The following RAB20 variants were observed in gnomAD, a reference collection of about 807,000 sequenced individuals.
RAB20 encodes ras-related protein Rab-20.
RAB20 carries 2 observed loss-of-function variants against 3.7 expected under a neutral mutation model. The observed-to-expected ratio is 0.54, with a 90% CI of 0.22 to 1.69. The LOEUF is 1.69. Ranked by LOEUF, RAB20 falls within the 40% of genes most tolerant of loss-of-function variation. The pLI is 0.19. For synonymous variants in RAB20, 126 were observed against 130.8 expected, an observed-to-expected ratio of 0.96 and a Z score of 0.25; for missense variants, 276 against 311.9, an observed-to-expected ratio of 0.88 and a Z score of 0.87.
intron 1 of RAB20, among the ~76,000 whole-genome samples, chr13:110,525,995 C>T (rs1884423638): frequency 6.6e-6 from 1 of 152,236 alleles, no homozygotes; most frequent in East Asian, 1.9e-4. Flanking sequence ...TGCTCCCAAC[C>T]ACACCTGCCG....
intron 1 of RAB20, 66 bp from the exon 2 acceptor site, chr13:110,524,263 C>A: frequency 6.6e-7 from 1 of 1,509,864 alleles, no homozygotes; most frequent in Non-Finnish European, 8.8e-7. Flanking sequence ...ACCAGCCACA[C>A]TGCAAGGGAA....
intron 1 of RAB20, among the ~76,000 whole-genome samples, chr13:110,556,048 C>T (rs1885033388): frequency 6.6e-6 from 1 of 152,220 alleles, no homozygotes; most frequent in Admixed American, 6.5e-5. Flanking sequence ...CTGGCTGACT[C>T]CTAACAAAGC....
intron 1 of RAB20, among the ~76,000 whole-genome samples, chr13:110,556,998 T>C (rs1353478966): frequency 6.6e-6 from 1 of 152,176 alleles, no homozygotes; most frequent in Non-Finnish European, 1.5e-5. Flanking sequence ...CAGCCCGGAT[T>C]GGCCTAAACA....
At chr13:110,533,419 A>G (rs1043533928) in intron 1 of RAB20, among the ~76,000 whole-genome samples, 1 of 152,216 alleles carries the variant, frequency 6.6e-6, no homozygotes, top group African/African-American at 2.4e-5. Flanking sequence ...ACAGTGGTTC[A>G]TACCTGTAAT....
At chr13:110,539,455 G>C (rs1884714666) in intron 1 of RAB20, among the ~76,000 whole-genome samples, 1 of 151,926 alleles carries the variant, frequency 6.6e-6, no homozygotes, top group Non-Finnish European at 1.5e-5. Context: ...CCAGTTAACG[G>C]AACTGCAACA....
chr13:110,523,682 A>C lies in RAB20; in HGVS notation c.688T>G (p.Ser230Ala), dbSNP rs745317481. 6.2e-7 allele frequency: 1 copy of C among 1,613,802 alleles called. No individual in the cohort carries two copies. Among genetic ancestry groups the C allele is most frequent in the East Asian group, 2.2e-5 (1 of 44,878 alleles). ...CTCGAAAGTCAGGCACAACACCCAG[A>C]TCTGGTCCTCTTGGGTGGCTTATGA... ...SSHKPPKRTRSGCCA is the reference protein window; with the variant it reads ...SSHKPPKRTRAGCCA Residue 230 changes from serine (S) to alanine (A), a missense_variant, in exon 2 of 2, where the codon TCT (serine) becomes GCT (alanine). Coordinates refer to ENST00000267328, the MANE Select transcript of RAB20 (RefSeq NM_017817.3).
intron 1 of RAB20, among the ~76,000 whole-genome samples, chr13:110,556,974 G>A (rs192202572): frequency 7.9e-5 from 12 of 152,356 alleles, no homozygotes; most frequent in Non-Finnish European, 1.5e-4. Context: ...GAGGATCTGA[G>A]GATCATGAGA....
chr13:110,544,817 G>A (rs1884824582), intron 1 of RAB20, among the ~76,000 whole-genome samples: 1 of 152,198 alleles, frequency 6.6e-6, no homozygotes, highest in Admixed American at 6.5e-5. Context: ...TCTCTGATAT[G>A]GTTTGGCTGT....
At chr13:110,538,238 CAAA>C (rs570075617) in intron 1 of RAB20, among the ~76,000 whole-genome samples, 13 of 78,510 alleles carry the variant, frequency 1.7e-4, no homozygotes, top group Non-Finnish European at 2.8e-4. Flanking sequence ...GACCTTGTCT[CAAA>C]AAAAAAAAAA....
At chr13:110,551,603 C>G (rs571247459) in intron 1 of RAB20, among the ~76,000 whole-genome samples, 25 of 152,250 alleles carry the variant, frequency 1.6e-4, no homozygotes, top group Non-Finnish European at 1.0e-4. Flanking sequence ...CCTGGGCCAG[C>G]GTTCGCGGCC....
chr13:110,539,318 G>A (rs946089464), intron 1 of RAB20, among the ~76,000 whole-genome samples: 1 of 152,084 alleles, frequency 6.6e-6, no homozygotes, highest in African/African-American at 2.4e-5. Flanking sequence ...CTTAATGACT[G>A]TCTACATCCA....
In RAB20 at chr13:110,523,712, AT is replaced by A; in HGVS notation, c.657del (p.Ser220ProfsTer39). The A allele has an allele frequency of 6.2e-7, 1 of 1,614,136 alleles. No homozygotes were observed. Among genetic ancestry groups the A allele is most frequent in the Non-Finnish European group, 8.5e-7 (1 of 1,180,030 alleles). On this transcript the variant is annotated frameshift_variant, in exon 2 of 2. Transcript: ENST00000267328. LOFTEE classifies it high-confidence loss of function. ...GTCCTCTTGGGTGGCTTATGACTGGATATATCCACTGTGTGTGACGGCCTCT... is the reference window on the plus strand; with the variant it reads ...GTCCTCTTGGGTGGCTTATGACTGGAATATCCACTGTGTGTGACGGCCTCT... ...RAERPSHTVD[I>X]SSHKPPKRTR...
chr13:110,536,725 GC>G (rs1566586061), intron 1 of RAB20, among the ~76,000 whole-genome samples: 23 of 70,262 alleles, frequency 3.3e-4, no homozygotes, highest in East Asian at 1.3e-3. Flanking sequence ...TTTTTTTGGG[GC>G]GGTGGGGGGG....
chr13:110,554,246 G>C lies in RAB20; in HGVS notation c.172+7102C>G, dbSNP rs529256357. Among the ~76,000 whole-genome samples the C allele has an allele frequency of 2.0e-5, 3 of 152,306 alleles. No individual in the cohort carries two copies. In the South Asian group the frequency reaches 6.2e-4, roughly 32 times the overall value. On this transcript the variant is annotated intron_variant, in intron 1 of 1. Coordinates refer to ENST00000267328, the MANE Select transcript of RAB20 (RefSeq NM_017817.3). The stretch of plus-strand genomic sequence containing the variant: ...TGCAGTCCTCACACAAGTCAAAAGT[G>C]CCGAATGTCAGCCAGCCATGGGGTC...
rs903111331 is a variant in RAB20 at position 110,529,977 on chromosome 13, C to G, written c.173-5780G>C. 2.0e-5 allele frequency among the ~76,000 whole-genome samples: 3 copies of G among 152,224 alleles called. No homozygotes were observed. In the East Asian group the frequency reaches 5.8e-4, roughly 29 times the overall value. On this transcript the variant is annotated intron_variant, in intron 1 of 1. Transcript: ENST00000267328. ...TGAGGGAAACCTGAATCTGTAAGAA[C>G]GCCTCCAATGTCTGATCAGCCACAC... is the stretch of plus-strand genomic sequence containing the variant.
intron 1 of RAB20, among the ~76,000 whole-genome samples, chr13:110,551,644 G>A (rs556714899): frequency 1.3e-5 from 2 of 152,296 alleles, no homozygotes; most frequent in South Asian, 4.1e-4. Flanking sequence ...TCGTCGCAGT[G>A]ATGAATCCAT....
intron 1 of RAB20, among the ~76,000 whole-genome samples, chr13:110,525,588 T>C (rs543353666): frequency 6.6e-6 from 1 of 152,344 alleles, no homozygotes; most frequent in East Asian, 1.9e-4. Flanking sequence ...GCACAAGCTT[T>C]CTGCATACTC....
chr13:110,553,190 G>A (rs1260091450), intron 1 of RAB20, among the ~76,000 whole-genome samples: 1 of 152,172 alleles, frequency 6.6e-6, no homozygotes, highest in Non-Finnish European at 1.5e-5. Flanking sequence ...ATGTGCCTGG[G>A]GTTTTGCAGG....
At chr13:110,544,380 T>C (rs1201329834) in intron 1 of RAB20, among the ~76,000 whole-genome samples, 2 of 152,228 alleles carry the variant, frequency 1.3e-5, no homozygotes, top group Admixed American at 6.5e-5. Context: ...TTGCTGGCTA[T>C]TTTGGGTCTT....
Sources: gnomAD v4.1 joint callset for allele counts (sites outside exome capture counted in the v4.1 genomes callset) on GRCh38, gnomAD v4.1.1 for gene constraint, MANE v1.5 for transcripts, NCBI Gene and HGNC (gene_info 2026-07-23, HGNC 2026-07-21) for gene names.